Variants in EIF2AK4 observed in about 807,000 individuals in gnomAD.
EIF2AK4 encodes eIF-2-alpha kinase GCN2.
In EIF2AK4, 139 loss-of-function variants were observed where a neutral mutation model predicts 211.1. The observed-to-expected ratio is 0.66, with a 90% confidence interval of 0.57 to 0.76. The LOEUF (loss-of-function observed/expected upper bound fraction) is 0.76. Among genes scored for constraint, EIF2AK4 ranks in the 30% least tolerant of loss-of-function variants. The pLI is 0.00. For missense variants in EIF2AK4, 1,664 were observed against 2,043.8 expected, an observed-to-expected ratio of 0.81 and a Z score of 3.58; for synonymous variants, 710 against 751.3, an observed-to-expected ratio of 0.94 and a Z score of 0.90.
intron 32 of EIF2AK4, among the ~76,000 whole-genome samples, chr15:40,023,413 C>T (rs2035421453): frequency 6.6e-6 from 1 of 152,036 alleles, no homozygotes; most frequent in Non-Finnish European, 1.5e-5. Context: ...AGTGTTCTCT[C>T]CTCTTCTGTT....
In EIF2AK4 at chr15:39,958,951, TC is replaced by T. The variant is rs1415236689; in HGVS notation, c.744-2831del. 2.6e-5 allele frequency among the ~76,000 whole-genome samples: 4 copies of T among 152,356 alleles called. No individual in the cohort carries two copies. The East Asian group carries it at 7.7e-4, about 29-fold the overall frequency. On this transcript the variant is annotated intron_variant, in intron 6 of 38. Transcript: ENST00000263791. Reference sequence around the variant, plus strand: ...TTTTTTCTTTTTTCAGGTATCAAGCTCCTAGCTGCCTAATTTAGTCATCTAA... The same window carrying T: ...TTTTTTCTTTTTTCAGGTATCAAGCTCTAGCTGCCTAATTTAGTCATCTAA...
intron 27 of EIF2AK4, among the ~76,000 whole-genome samples, chr15:40,015,426 A>C (rs536392947): frequency 6.6e-6 from 1 of 152,230 alleles, no homozygotes; most frequent in Admixed American, 6.5e-5. Context: ...GCAGGCAAAG[A>C]GAGAGAACTT....
intron 20 of EIF2AK4, among the ~76,000 whole-genome samples, chr15:40,000,447 A>G (rs1406353231): frequency 6.6e-6 from 1 of 152,190 alleles, no homozygotes; most frequent in Non-Finnish European, 1.5e-5. Context: ...TTGCCTTCAT[A>G]TGGTTCACTG....
At chr15:39,960,788 G>A (rs2034460894) in intron 6 of EIF2AK4, among the ~76,000 whole-genome samples, 1 of 152,142 alleles carries the variant, frequency 6.6e-6, no homozygotes, top group Non-Finnish European at 1.5e-5. Flanking sequence ...CTGAGGACAG[G>A]GGTAGCCATC....
chr15:40,034,179 C>G, intron 37 of EIF2AK4, 147 bp from the exon 38 acceptor site: 1 of 631,918 alleles, frequency 1.6e-6, no homozygotes, highest in East Asian at 2.7e-5. Flanking sequence ...CCAGCAGTCT[C>G]CTAACTGGTT....
Position 40,029,258 on chromosome 15 carries a change from TTTTG to T in EIF2AK4, c.4503-144_4503-141del, listed in dbSNP as rs2035506428. 14 of 1,364,748 alleles carry T rather than the reference TTTTG, an allele frequency of 1.0e-5. No individual in the cohort carries two copies. The South Asian group carries it at 1.9e-4, about 18-fold the overall frequency. 84.5% of individuals were successfully genotyped at this position (1,364,748 alleles called of 1,614,324 possible). ...ACCAAAGCATAACTAAATGCAAATT[TTTTG>T]TTTTTGTTTTTCCACCAATAACCAA... On this transcript the variant is annotated intron_variant, in intron 33 of 38. Coordinates refer to ENST00000263791, the MANE Select transcript of EIF2AK4 (RefSeq NM_001013703.4).
chr15:39,953,236 C>G (rs147682676), intron 4 of EIF2AK4, among the ~76,000 whole-genome samples: 3 of 152,218 alleles, frequency 2.0e-5, no homozygotes, highest in African/African-American at 7.2e-5. Context: ...TTTGTTTTGA[C>G]ATACTGCTAT....
chr15:40,027,470 C>T (rs1381649954), intron 33 of EIF2AK4, among the ~76,000 whole-genome samples: 2 of 152,200 alleles, frequency 1.3e-5, no homozygotes, highest in African/African-American at 4.8e-5. Flanking sequence ...TCAAAATATA[C>T]ATTGGTAGAA....
chr15:39,987,335 T>A (rs1332652545), intron 14 of EIF2AK4, among the ~76,000 whole-genome samples: 1 of 152,240 alleles, frequency 6.6e-6, no homozygotes, highest in Non-Finnish European at 1.5e-5. Context: ...AGTCTGGTCT[T>A]CCTCTCTTTA....
chr15:40,021,344 A>G (rs978404408), intron 31 of EIF2AK4, among the ~76,000 whole-genome samples: 1 of 152,150 alleles, frequency 6.6e-6, no homozygotes, highest in African/African-American at 2.4e-5. Flanking sequence ...GGCCTCCTGC[A>G]TTCCTTGGCT....
At chr15:39,942,347 G>T (rs2034156609) in intron 2 of EIF2AK4, among the ~76,000 whole-genome samples, 1 of 152,114 alleles carries the variant, frequency 6.6e-6, no homozygotes. Flanking sequence ...TCTAACCCAG[G>T]ATTCCATACA....
At chr15:40,002,052 T>C (rs1845614913) in intron 21 of EIF2AK4, among the ~76,000 whole-genome samples, 1 of 152,154 alleles carries the variant, frequency 6.6e-6, no homozygotes. Flanking sequence ...TTAATATATA[T>C]GATATAATTT....
chr15:39,987,951 T>G, intron 14 of EIF2AK4, 32 bp from the exon 15 acceptor site: 1 of 1,610,308 alleles, frequency 6.2e-7, no homozygotes, highest in Non-Finnish European at 8.5e-7. Context: ...AACTGTTGTG[T>G]AATCAAATTC....
chr15:39,973,467 G>GT, intron 10 of EIF2AK4, 125 bp from the exon 11 acceptor site: 1 of 1,002,032 alleles, frequency 1.0e-6, no homozygotes, highest in Non-Finnish European at 1.5e-6. Context: ...GGCCACTCAG[G>GT]TAAGAGGTAA....
In EIF2AK4 at chr15:39,967,447, T is replaced by A. The variant is rs774037749; in HGVS notation, c.1121T>A (p.Val374Glu). 7.4e-6 allele frequency: 12 copies of A among 1,613,866 alleles called. No individual in the cohort carries two copies. Among genetic ancestry groups the A allele is most frequent in the Non-Finnish European group, 1.0e-5 (12 of 1,180,010 alleles). Residue 374 changes from valine to glutamate, a missense_variant, in exon 9 of 39, where the codon GTG becomes GAG. By Grantham distance (121) the Val-to-Glu change is moderately radical (BLOSUM62 -2). Coordinates refer to ENST00000263791, the MANE Select transcript of EIF2AK4 (RefSeq NM_001013703.4). ...CTCAAAGAGCAAGACGACTCCATCG[T>A]GGTGGACATTTTAGTGGAGCACATT... Reference protein sequence around the residue: ...MNLKEQDDSIVVDILVEHISG... With the variant: ...MNLKEQDDSIEVDILVEHISG...
rs1472044454 is a variant in EIF2AK4 at position 40,017,204 on chromosome 15, C to A, written c.4027C>A (p.Pro1343Thr). The change falls in exon 29 of 39, where the codon CCT becomes ACT. Residue 1343 changes from proline (P) to threonine (T), a missense_variant. This residue lies in a region of EIF2AK4 where 622 missense variants were observed against 796.8 expected (regional missense o/e 0.78). Coordinates refer to ENST00000263791, the MANE Select transcript of EIF2AK4 (RefSeq NM_001013703.4). The part of the protein sequence containing the change: ...AFIKRRQRAV[P>T]EILAAGGRYD... The stretch of plus-strand genomic sequence containing the variant: ...CATCAAACGAAGGCAAAGGGCTGTA[C>A]CTGAAATCCTCGCAGCTGGAGGCAG... 4 of 1,613,626 alleles carry A rather than the reference C, an allele frequency of 2.5e-6. No homozygotes were observed. The highest frequency in any genetic ancestry group is 2.2e-5 in the East Asian group (1 of 44,870).
rs768457165 is a variant in EIF2AK4 at position 39,943,426 on chromosome 15, G to GA, written c.304dup (p.Ser102LysfsTer24). ...AAAAAATGCCAAAGGTCTATCAAAT[G>GA]AAAGTGTCAATTTGTTAAAATCTCG... is the stretch of plus-strand genomic sequence containing the variant. On this transcript the variant is annotated frameshift_variant, in exon 3 of 39. Transcript: ENST00000263791. LOFTEE classifies it high-confidence loss of function. 6.7e-7 allele frequency: 1 copy of GA among 1,499,862 alleles called. No individual in the cohort carries two copies. Among genetic ancestry groups the GA allele is most frequent in the East Asian group, 2.7e-5 (1 of 36,410 alleles). 92.9% of individuals were successfully genotyped at this position (1,499,862 alleles called of 1,614,324 possible).
Position 40,010,769 on chromosome 15 carries a change from G to A in EIF2AK4, c.3694-512G>A, listed in dbSNP as rs561495076. Among the ~76,000 whole-genome samples the A allele has an allele frequency of 1.7e-4, 26 of 152,234 alleles. 1 individual carries two copies. In the East Asian group the frequency reaches 4.6e-3, roughly 27 times the overall value. On this transcript the variant is annotated intron_variant, in intron 26 of 38. Transcript: ENST00000263791. Reference sequence around the variant, plus strand: ...AAACTTTACTGCTTGTTTCTTAGTGGTTCTTTACTCCCCCTAAAGCTCTGC... The same window carrying A: ...AAACTTTACTGCTTGTTTCTTAGTGATTCTTTACTCCCCCTAAAGCTCTGC...
chr15:40,029,440 A>G lies in EIF2AK4; in HGVS notation c.4537A>G (p.Lys1513Glu). Reference protein sequence around the residue: ...ASDNLAVQNLKGSFSNASGLF... With the variant: ...ASDNLAVQNLEGSFSNASGLF... ...CGATAATCTTGCAGTGCAAAATCTG[A>G]AGGGGTCATTTTCTAATGCTTCAGG... Residue 1513 changes from lysine (K) to glutamate (E), a missense_variant, in exon 34 of 39, where the codon AAG becomes GAG. By Grantham distance (56) the Lys-to-Glu change is moderately conservative. Around this residue, in one of 7 missense-constraint regions of EIF2AK4, gnomAD observed 138 missense variants for 165.1 expected, o/e 0.84. Transcript: ENST00000263791. The G allele has an allele frequency of 6.2e-7, 1 of 1,613,234 alleles. No homozygotes were observed. Among genetic ancestry groups the G allele is most frequent in the Non-Finnish European group, 8.5e-7 (1 of 1,179,844 alleles).
Sources: gnomAD v4.1 joint callset for allele counts (sites outside exome capture counted in the v4.1 genomes callset) on GRCh38, gnomAD v4.1.1 for gene constraint, gnomAD v4.1.1 regional missense constraint, MANE v1.5 for transcripts, NCBI Gene and HGNC (gene_info 2026-07-23, HGNC 2026-07-21) for gene names.